Variants in CCNY observed in about 807,000 individuals in gnomAD.
CCNY encodes cyclin Y.
Under a neutral mutation model 42.8 loss-of-function variants are expected in CCNY, and 19 were observed. That is an observed-to-expected ratio of 0.44 (90% CI 0.31 to 0.65). The LOEUF is 0.65. Among genes scored for constraint, CCNY ranks in the 30% least tolerant of loss-of-function variants. The pLI is 0.07. For synonymous variants in CCNY, 165 were observed against 162.7 expected, an observed-to-expected ratio of 1.01 and a Z score of -0.11; for missense variants, 370 against 437.3, an observed-to-expected ratio of 0.85 and a Z score of 1.37.
intron 1 of CCNY, among the ~76,000 whole-genome samples, chr10:35,437,603 G>A (rs1021026444): frequency 6.6e-6 from 1 of 151,274 alleles, no homozygotes; most frequent in Non-Finnish European, 1.5e-5. Flanking sequence ...ACAGTGAGCC[G>A]AGATCACACC....
intron 7 of CCNY, among the ~76,000 whole-genome samples, chr10:35,531,016 C>T (rs755903269): frequency 6.6e-6 from 1 of 152,184 alleles, no homozygotes; most frequent in African/African-American, 2.4e-5. Flanking sequence ...CTGCAGTGAG[C>T]TATGATCATG....
intron 1 of CCNY, among the ~76,000 whole-genome samples, chr10:35,393,812 G>A (rs1445388875): frequency 1.3e-5 from 2 of 152,166 alleles, no homozygotes; most frequent in Non-Finnish European, 2.9e-5. Flanking sequence ...TGTGGGCACG[G>A]TGGCACGCAC....
intron 1 of CCNY, among the ~76,000 whole-genome samples, chr10:35,391,227 A>C (rs1300380289): frequency 6.6e-6 from 1 of 152,220 alleles, no homozygotes; most frequent in African/African-American, 2.4e-5. Flanking sequence ...GGTAGCCCCT[A>C]CTGCTATGTT....
At chr10:35,474,241 C>T (rs543296492) in intron 1 of CCNY, among the ~76,000 whole-genome samples, 5 of 152,336 alleles carry the variant, frequency 3.3e-5, no homozygotes, top group East Asian at 3.9e-4. Flanking sequence ...CCATTGCCCA[C>T]GCTTGCTTAG....
intron 7 of CCNY, among the ~76,000 whole-genome samples, chr10:35,546,645 A>G (rs951259927): frequency 3.9e-5 from 6 of 152,202 alleles, no homozygotes; most frequent in Non-Finnish European, 5.9e-5. Context: ...GCTTACCATG[A>G]ATGCCTTATC....
chr10:35,455,173 A>G lies in CCNY; in HGVS notation c.155-28231A>G, dbSNP rs117744253. ...ATCATGCCAACAAGTAGCATTTCCT[A>G]TTTTCAGCCTAGTCACATTGATTGA... On this transcript the variant is annotated intron_variant, in intron 1 of 9. Coordinates refer to ENST00000374704, the MANE Select transcript of CCNY (RefSeq NM_145012.6). 1.0e-3 allele frequency among the ~76,000 whole-genome samples: 156 copies of G among 152,306 alleles called. 1 individual carries two copies. In the East Asian group the frequency reaches 0.026, roughly 25 times the overall value.
intron 2 of CCNY, 148 bp downstream of exon 2, chr10:35,483,626 G>T: frequency 2.0e-6 from 1 of 512,500 alleles, no homozygotes; most frequent in Non-Finnish European, 3.5e-6. Context: ...AGTTCTCTTG[G>T]GATTTTTTTC....
Position 35,423,596 on chromosome 10 carries a change from G to A in CCNY, c.155-59808G>A, listed in dbSNP as rs1321852813. On this transcript the variant is annotated intron_variant, in intron 1 of 9. Coordinates refer to ENST00000374704, the MANE Select transcript of CCNY (RefSeq NM_145012.6). Reference sequence around the variant, plus strand: ...TTGGTACACTGTACATTTTATTAAGGGATTTTTCCTCCTGGGTTTGTTGAA... The same window carrying A: ...TTGGTACACTGTACATTTTATTAAGAGATTTTTCCTCCTGGGTTTGTTGAA... Among the ~76,000 whole-genome samples the A allele has an allele frequency of 2.0e-5, 3 of 151,870 alleles. No individual in the cohort carries two copies. In the East Asian group the frequency reaches 5.8e-4, roughly 29 times the overall value.
intron 1 of CCNY, among the ~76,000 whole-genome samples, chr10:35,470,912 C>T (rs1222744369): frequency 6.6e-6 from 1 of 152,164 alleles, no homozygotes; most frequent in Non-Finnish European, 1.5e-5. Context: ...TTCATAATTG[C>T]CTCCCACATC....
At chr10:35,256,789 A>G (rs1455108290) in intron 3 of CCNY, among the ~76,000 whole-genome samples, 1 of 150,772 alleles carries the variant, frequency 6.6e-6, no homozygotes, top group African/African-American at 2.4e-5. Flanking sequence ...CTAGGTCCTC[A>G]CTCCTCTTGA....
intron 1 of CCNY, among the ~76,000 whole-genome samples, chr10:35,400,473 G>A (rs1486334997): frequency 1.3e-5 from 2 of 152,098 alleles, no homozygotes; most frequent in African/African-American, 4.8e-5. Context: ...GACTTGATTG[G>A]ATTACCCGAA....
chr10:35,443,583 CT>C (rs751684630), intron 1 of CCNY, among the ~76,000 whole-genome samples: 3 of 152,204 alleles, frequency 2.0e-5, no homozygotes, highest in East Asian at 1.9e-4. Context: ...TTCAAAGGGA[CT>C]TTCCTCGCAG....
chr10:35,505,604 C>A (rs1355381726), intron 3 of CCNY, among the ~76,000 whole-genome samples: 1 of 152,156 alleles, frequency 6.6e-6, no homozygotes, highest in Non-Finnish European at 1.5e-5. Flanking sequence ...TTGGAAACAT[C>A]TTGAAATCTC....
chr10:35,338,400 C>T (rs922011988), intron 1 of CCNY, among the ~76,000 whole-genome samples: 1 of 152,138 alleles, frequency 6.6e-6, no homozygotes, highest in African/African-American at 2.4e-5. Context: ...GTTTCTAGTA[C>T]GCGCTTAGTA....
At chr10:35,435,609 C>T (rs886459907) in intron 1 of CCNY, among the ~76,000 whole-genome samples, 1 of 152,216 alleles carries the variant, frequency 6.6e-6, no homozygotes, top group East Asian at 1.9e-4. Flanking sequence ...AAACATGGCA[C>T]AGTCAAGCTG....
At chr10:35,307,154 A>ATGAG (rs1835616272) in intron 3 of CCNY, among the ~76,000 whole-genome samples, 2 of 152,206 alleles carry the variant, frequency 1.3e-5, no homozygotes, top group African/African-American at 4.8e-5. Context: ...CTCAGGGATG[A>ATGAG]CGACAGCAAG....
At chr10:35,507,623 G>A (rs1284902562) in intron 3 of CCNY, among the ~76,000 whole-genome samples, 3 of 152,124 alleles carry the variant, frequency 2.0e-5, no homozygotes, top group African/African-American at 7.2e-5. Context: ...GCAATGTTAA[G>A]TGGCTCCGTA....
At chr10:35,547,200 A>G (rs759233362) in intron 7 of CCNY, among the ~76,000 whole-genome samples, 1 of 152,208 alleles carries the variant, frequency 6.6e-6, no homozygotes, top group Non-Finnish European at 1.5e-5. Context: ...TACGATGTTC[A>G]CACAGAGGAC....
intron 1 of CCNY, among the ~76,000 whole-genome samples, chr10:35,407,645 G>A (rs985802112): frequency 2.6e-5 from 4 of 152,122 alleles, no homozygotes; most frequent in East Asian, 1.9e-4. Flanking sequence ...AAAATAAGAC[G>A]CTTAGATTTT....
Sources: gnomAD v4.1 joint callset for allele counts (sites outside exome capture counted in the v4.1 genomes callset) on GRCh38, gnomAD v4.1.1 for gene constraint, MANE v1.5 for transcripts, NCBI Gene and HGNC (gene_info 2026-07-23, HGNC 2026-07-21) for gene names.